FYCO1: variants seen among roughly 807,000 people sequenced by gnomAD.
The protein encoded by FYCO1 is FYVE and coiled-coil domain-containing protein 1.
Under a neutral mutation model 165.1 loss-of-function variants are expected in FYCO1, and 122 were observed. The observed-to-expected ratio is 0.74, with a 90% CI of 0.64 to 0.86. The LOEUF is 0.86. Among genes scored for constraint, FYCO1 ranks in the 40% least tolerant of loss-of-function variants. FYCO1 has a pLI of 0.00. For missense variants in FYCO1, 1,702 were observed against 1,810.3 expected, an observed-to-expected ratio of 0.94 and a Z score of 1.09; for synonymous variants, 648 against 742.5, an observed-to-expected ratio of 0.87 and a Z score of 2.07.
At chr3:45,938,148 C>T (rs774067796) in intron 14 of FYCO1, 2 of 1,137,422 alleles carry the variant, frequency 1.8e-6, no homozygotes, top group South Asian at 2.6e-5. Context: ...TCTCTTCCTC[C>T]ATCACCCTCC....
intron 3 of FYCO1, among the ~76,000 whole-genome samples, chr3:45,980,525 C>CCAAAACCAA (rs1706992364): frequency 6.6e-6 from 1 of 152,084 alleles, no homozygotes; most frequent in Admixed American, 6.5e-5. Context: ...AGCTCTGAGT[C>CCAAAACCAA]ATTTCAAACC....
At chr3:45,986,696 C>T (rs1707333185) in intron 1 of FYCO1, among the ~76,000 whole-genome samples, 1 of 152,198 alleles carries the variant, frequency 6.6e-6, no homozygotes, top group South Asian at 2.1e-4. Flanking sequence ...GTGTTGGCAC[C>T]CATCCATCAG....
At chr3:45,932,041 T>G (rs763068783) in intron 15 of FYCO1, among the ~76,000 whole-genome samples, 2 of 152,238 alleles carry the variant, frequency 1.3e-5, no homozygotes, top group Non-Finnish European at 2.9e-5. Flanking sequence ...CCAAGGGACC[T>G]GCCTCACTGC....
intron 15 of FYCO1, among the ~76,000 whole-genome samples, chr3:45,934,601 T>C (rs972149105): frequency 1.3e-5 from 2 of 152,250 alleles, no homozygotes; most frequent in Non-Finnish European, 2.9e-5. Flanking sequence ...CCACAGCCAG[T>C]GGGATTTATC....
At chr3:45,934,490 C>G (rs953329816) in intron 15 of FYCO1, among the ~76,000 whole-genome samples, 3 of 152,200 alleles carry the variant, frequency 2.0e-5, no homozygotes, top group Non-Finnish European at 4.4e-5. Context: ...TAGCAGCACA[C>G]ATATTTCAAA....
chr3:45,963,373 T>A (rs903015369), intron 10 of FYCO1, among the ~76,000 whole-genome samples: 17 of 152,234 alleles, frequency 1.1e-4, no homozygotes, highest in Admixed American at 6.5e-4. Context: ...AGACTCTGTT[T>A]AAATTGTCAT....
intron 13 of FYCO1, among the ~76,000 whole-genome samples, chr3:45,956,428 C>T (rs1283754142): frequency 6.6e-6 from 1 of 152,170 alleles, no homozygotes; most frequent in Non-Finnish European, 1.5e-5. Flanking sequence ...CCGCAGCACT[C>T]TGTGGTCACT....
In FYCO1 at chr3:45,969,715, C is replaced by T. The variant is rs376883388; in HGVS notation, c.590G>A (p.Arg197His). ...SSAYLWKPPS[R>H]SSSMSSLVSS... ...CACCAAGCTGCTCATGCTGGAGCTG[C>T]GGCTAGGGGGTTTCCACAGGTAAGC... is the stretch of plus-strand genomic sequence containing the variant. Residue 197 changes from arginine (R) to histidine (H), a missense_variant, in exon 7 of 18, where the codon CGC becomes CAC. Arg to His is a conservative substitution (Grantham distance 29). Coordinates refer to ENST00000296137, the MANE Select transcript of FYCO1 (RefSeq NM_024513.4). 34 of 1,613,908 alleles carry T rather than the reference C, an allele frequency of 2.1e-5. No homozygotes were observed. The highest frequency in any genetic ancestry group is 4.0e-5 in the African/African-American group (3 of 74,920).
chr3:45,986,614 C>T (rs896935583), intron 1 of FYCO1, among the ~76,000 whole-genome samples: 3 of 152,182 alleles, frequency 2.0e-5, no homozygotes, highest in Admixed American at 1.3e-4. Flanking sequence ...GTACCACAGT[C>T]CCAGGAATTC....
At chr3:45,942,930 C>T (rs1704321141) in intron 14 of FYCO1, among the ~76,000 whole-genome samples, 2 of 152,190 alleles carry the variant, frequency 1.3e-5, no homozygotes, top group Admixed American at 6.5e-5. Flanking sequence ...ATGACAGATA[C>T]CTGAGTGTGT....
intron 14 of FYCO1, chr3:45,947,014 T>G: frequency 6.2e-7 from 1 of 1,614,206 alleles, no homozygotes; most frequent in Non-Finnish European, 8.5e-7. Context: ...CTCGACAAGC[T>G]CATATGTGGT....
intron 14 of FYCO1, among the ~76,000 whole-genome samples, chr3:45,950,114 ACC>A (rs1420184859): frequency 2.6e-5 from 4 of 151,840 alleles, no homozygotes; most frequent in African/African-American, 9.7e-5. Flanking sequence ...ATCTCAGCCC[ACC>A]CTTCTCCCTT....
intron 16 of FYCO1, among the ~76,000 whole-genome samples, chr3:45,928,746 G>A (rs1426198004): frequency 6.6e-6 from 1 of 152,122 alleles, no homozygotes; most frequent in Non-Finnish European, 1.5e-5. Flanking sequence ...GGCTGGGCTA[G>A]GCATCCTTCC....
chr3:45,939,860 C>G (rs756088199), intron 14 of FYCO1, among the ~76,000 whole-genome samples: 11 of 152,190 alleles, frequency 7.2e-5, no homozygotes, highest in Non-Finnish European at 1.3e-4. Flanking sequence ...ATAAATTTAA[C>G]TAAAAATGTG....
chr3:45,962,194 A>G lies in FYCO1; in HGVS notation c.3437+31T>C. On this transcript the variant is annotated intron_variant, in intron 11 of 17. Transcript: ENST00000296137. This position sits in a 1 kb window ranked among gnomAD's most constrained non-coding sequence, Gnocchi z 4.4. ...AGAGAAAAACCCCAGTGTGGGGAAAACCCCAGCTGCTGGTTTGACACAGCA... is the reference window on the plus strand; with the variant it reads ...AGAGAAAAACCCCAGTGTGGGGAAAGCCCCAGCTGCTGGTTTGACACAGCA... 6.2e-7 allele frequency: 1 copy of G among 1,611,794 alleles called. No individual in the cohort carries two copies. The highest frequency in any genetic ancestry group is 8.5e-7 in the Non-Finnish European group (1 of 1,177,982).
At chr3:45,947,582 C>A in intron 14 of FYCO1, 2 of 1,228,424 alleles carry the variant, frequency 1.6e-6, no homozygotes, top group Non-Finnish European at 2.3e-6. Flanking sequence ...TGTGGTGAGG[C>A]AGGCTTTGTT....
intron 12 of FYCO1, 48 bp from the exon 13 acceptor site, chr3:45,958,667 T>A: frequency 6.4e-7 from 1 of 1,573,470 alleles, no homozygotes; most frequent in Non-Finnish European, 8.7e-7. Flanking sequence ...ACTATGATCT[T>A]GTGTGATCTG....
intron 1 of FYCO1, among the ~76,000 whole-genome samples, chr3:45,989,537 C>G (rs12635657): frequency 6.6e-6 from 1 of 152,000 alleles, no homozygotes; most frequent in African/African-American, 2.4e-5. Context: ...TTTCAGCACA[C>G]GTGAACAAAG....
At position 45,965,232 on chromosome 3, in the gene FYCO1, C is replaced by T. The variant is rs1705940402; in HGVS notation, c.3058-107G>A. ...AAAACCAAGCTAACTTTCTCTTTTT[C>T]CCTGCAAACTGGCTCCTCAATGAGC... On this transcript the variant is annotated intron_variant, in intron 8 of 17. Transcript: ENST00000296137. 3.7e-6 allele frequency: 3 copies of T among 813,654 alleles called. No homozygotes were observed. The South Asian group carries it at 4.4e-5, about 12-fold the overall frequency. 50.4% of individuals were successfully genotyped at this position (813,654 alleles called of 1,614,324 possible). A position where few individuals can be genotyped will look rare whatever the true frequency, so the allele number is the denominator to read the frequency against.
Sources: gnomAD v4.1 joint callset for allele counts (sites outside exome capture counted in the v4.1 genomes callset) on GRCh38, gnomAD v4.1.1 for gene constraint, Gnocchi (gnomAD v3.1) non-coding constraint, MANE v1.5 for transcripts, NCBI Gene and HGNC (gene_info 2026-07-23, HGNC 2026-07-21) for gene names.